The following UTP20 variants were observed in gnomAD, a reference collection of about 807,000 sequenced individuals.
The protein encoded by UTP20 is UTP20 small subunit processome component, also known as small subunit processome component 20 homolog.
UTP20 carries 164 observed loss-of-function variants against 329.5 expected under a neutral mutation model. The ratio of observed to expected loss-of-function variants is 0.50; its 90% CI spans 0.44 to 0.57. UTP20 has a LOEUF of 0.57. Among genes scored for constraint, UTP20 ranks in the 20% least tolerant of loss-of-function variants. The pLI, the probability that UTP20 is intolerant of heterozygous loss-of-function variation, is 0.00. For synonymous variants in UTP20, 1,151 were observed against 1,159.3 expected (o/e 0.99, Z 0.14); for missense variants, 3,055 against 3,284.2 (o/e 0.93, Z 1.71).
At chr12:101,317,172 C>A (rs976603177) in intron 21 of UTP20, among the ~76,000 whole-genome samples, 1 of 152,196 alleles carries the variant, frequency 6.6e-6, no homozygotes, top group Admixed American at 6.5e-5. Flanking sequence ...CCCTCATCCC[C>A]CAGTGGTGGT....
intron 44 of UTP20, among the ~76,000 whole-genome samples, chr12:101,363,014 T>C (rs1463216802): frequency 7.6e-6 from 1 of 131,480 alleles, no homozygotes; most frequent in Non-Finnish European, 1.5e-5. Flanking sequence ...ATGCCTGTGA[T>C]CCCAGCTACT....
At chr12:101,320,401 A>G (rs1405846796) in intron 23 of UTP20, among the ~76,000 whole-genome samples, 2 of 151,934 alleles carry the variant, frequency 1.3e-5, no homozygotes, top group Admixed American at 6.6e-5. Flanking sequence ...ACCAAAAACA[A>G]AAAAATTAGC....
intron 6 of UTP20, 81 bp downstream of exon 6, chr12:101,289,122 A>T: frequency 7.9e-7 from 1 of 1,258,674 alleles, no homozygotes. Flanking sequence ...CATGCCTGTA[A>T]TCCCAACACC....
chr12:101,359,066 T>C (rs1869823287), intron 43 of UTP20, among the ~76,000 whole-genome samples: 1 of 152,080 alleles, frequency 6.6e-6, no homozygotes, highest in Non-Finnish European at 1.5e-5. Context: ...TTTTTTTGTT[T>C]TGTTGTCTTT....
At chr12:101,301,619 G>T (rs1872524274) in intron 14 of UTP20, among the ~76,000 whole-genome samples, 1 of 151,844 alleles carries the variant, frequency 6.6e-6, no homozygotes, top group Non-Finnish European at 1.5e-5. Flanking sequence ...AGTGAGCCGA[G>T]ATCACACCAC....
chr12:101,360,315 G>GA (rs1483330850), intron 43 of UTP20, among the ~76,000 whole-genome samples: 1 of 152,122 alleles, frequency 6.6e-6, no homozygotes, highest in Non-Finnish European at 1.5e-5. Context: ...AGTGGGAGGT[G>GA]AACACCTTGA....
intron 57 of UTP20, among the ~76,000 whole-genome samples, chr12:101,380,311 C>CA (rs1431483786): frequency 1.3e-5 from 2 of 151,706 alleles, no homozygotes; most frequent in African/African-American, 4.8e-5. Flanking sequence ...CTGGGGAGGT[C>CA]AAGGTTACAG....
Position 101,346,666 on chromosome 12 carries a change from T to A in UTP20, c.4884+78T>A, listed in dbSNP as rs558881177. ...TTTGCCAGAATATACATGGAGTTGG[T>A]GGTGTTTGTGTTGATGTCATCACCA... On this transcript the variant is annotated intron_variant, in intron 38 of 61. Transcript: ENST00000261637. The A allele has an allele frequency of 2.1e-6, 3 of 1,421,070 alleles. No individual in the cohort carries two copies. The African/African-American group carries it at 4.4e-5, about 21-fold the overall frequency. 88.0% of individuals were successfully genotyped at this position (1,421,070 alleles called of 1,614,324 possible).
intron 48 of UTP20, 36 bp from the exon 49 acceptor site, chr12:101,369,685 T>G (rs771204461): frequency 4.5e-6 from 5 of 1,115,694 alleles, no homozygotes; most frequent in Non-Finnish European, 6.9e-6. Context: ...TTCGGTCACA[T>G]CACAAGTTGG....
At chr12:101,384,206 A>G (rs964984348) in intron 60 of UTP20, among the ~76,000 whole-genome samples, 1 of 152,208 alleles carries the variant, frequency 6.6e-6, no homozygotes, top group African/African-American at 2.4e-5. Flanking sequence ...CTCATAGCAC[A>G]ATGAATAATA....
Position 101,312,211 on chromosome 12 carries a change from C to G in UTP20, c.2487C>G (p.Thr829=). ...GATTCCTGCTCTGGAGAGCTCTGAC[C>G]AAATTCCCAGAAAGAGTAGAGCCAC... ...NFRFLLWRAL[T]KFPERVEPRS... Residue 829 remains threonine, a synonymous_variant, in exon 21 of 62, where the codon ACC becomes ACG. Coordinates refer to ENST00000261637, the MANE Select transcript of UTP20 (RefSeq NM_014503.3). 1 of 1,614,208 alleles carries G rather than the reference C, an allele frequency of 6.2e-7. No homozygotes were observed. The highest frequency in any genetic ancestry group is 8.5e-7 in the Non-Finnish European group (1 of 1,180,034).
At chr12:101,380,021 T>C (rs1386255439) in intron 57 of UTP20, among the ~76,000 whole-genome samples, 2 of 152,074 alleles carry the variant, frequency 1.3e-5, no homozygotes, top group African/African-American at 4.8e-5. Flanking sequence ...ATAAGATAAA[T>C]ACTGTCTGTC....
intron 21 of UTP20, among the ~76,000 whole-genome samples, chr12:101,312,638 C>T (rs2137253547): frequency 6.6e-6 from 1 of 152,304 alleles, no homozygotes; most frequent in East Asian, 1.9e-4. Flanking sequence ...CGGGGTTTCT[C>T]CATGTTGGTC....
At chr12:101,290,931 A>G in intron 8 of UTP20, 43 bp downstream of exon 8, 1 of 1,577,510 alleles carries the variant, frequency 6.3e-7, no homozygotes, top group Non-Finnish European at 8.6e-7. Flanking sequence ...TAAGGAGTCT[A>G]AGAATTTACT....
chr12:101,375,603 T>G (rs1362045716), intron 55 of UTP20, 21 bp from the exon 56 acceptor site: 2 of 1,607,514 alleles, frequency 1.2e-6, no homozygotes, highest in Middle Eastern at 1.7e-4. Context: ...TTTCATTGAT[T>G]TACATCCGTC....
rs34431009 is a variant in UTP20, at chr12:101,386,212, GT to G, written c.*104del. 142,177 of 875,652 alleles carry G rather than the reference GT, an allele frequency of 0.16. 63 individuals are homozygous for G. Among genetic ancestry groups the G allele is most frequent in the East Asian group, 0.24 (7,763 of 32,176 alleles). The allele number at this position is 875,652 out of a possible 1,614,324, so 54.2% of individuals were successfully genotyped here. On this transcript the variant is annotated 3_prime_UTR_variant, in exon 62 of 62. Transcript: ENST00000261637. ...AGGTTGTCTGGGGTAGGGGGGAGGC[GT>G]TTTTTTTTTTTTTTGAGACAAGGTC...
chr12:101,312,573 G>C (rs1202285460), intron 21 of UTP20, among the ~76,000 whole-genome samples: 1 of 152,190 alleles, frequency 6.6e-6, no homozygotes, highest in Admixed American at 6.5e-5. Context: ...TCCCAGAGTA[G>C]CTGGGCACAG....
At chr12:101,332,609 A>G (rs530200205) in intron 27 of UTP20, among the ~76,000 whole-genome samples, 2 of 152,276 alleles carry the variant, frequency 1.3e-5, no homozygotes, top group East Asian at 3.9e-4. Context: ...TTTATTTCAC[A>G]CTCATTCCAG....
At chr12:101,360,862 G>C (rs528975451) in intron 43 of UTP20, among the ~76,000 whole-genome samples, 11 of 152,222 alleles carry the variant, frequency 7.2e-5, no homozygotes, top group African/African-American at 2.4e-4. Context: ...AGGTACATAA[G>C]AAACTATGCG....
Sources: gnomAD v4.1 joint callset for allele counts (sites outside exome capture counted in the v4.1 genomes callset) on GRCh38, gnomAD v4.1.1 for gene constraint, MANE v1.5 for transcripts, NCBI Gene and HGNC (gene_info 2026-07-23, HGNC 2026-07-21) for gene names.